The following GSDMA variants were observed in gnomAD, a reference collection of about 807,000 sequenced individuals.
GSDMA encodes the protein gasdermin A.
A neutral mutation model predicts 54.3 loss-of-function variants in GSDMA; 55 were observed. The observed-to-expected ratio is 1.01, with a 90% CI of 0.82 to 1.27. The LOEUF (loss-of-function observed/expected upper bound fraction) is 1.27. Ranked by LOEUF, GSDMA falls within the 50% of genes most tolerant of loss-of-function variation. The probability of loss-of-function intolerance (pLI) is 0.00; values close to 1 mark genes in which losing one functional copy is unlikely to be tolerated. For missense variants in GSDMA, 542 were observed against 542.6 expected (o/e 1.00, Z 0.01); for synonymous variants, 211 against 224.7 (o/e 0.94, Z 0.54).
At chr17:39,963,897 C>T (rs903405348) in intron 1 of GSDMA, among the ~76,000 whole-genome samples, 3 of 152,166 alleles carry the variant, frequency 2.0e-5, no homozygotes, top group Admixed American at 6.5e-5. Flanking sequence ...CCCATGGGCC[C>T]CACATTCTCC....
chr17:39,965,461 T>G, intron 1 of GSDMA: 1 of 547,098 alleles, frequency 1.8e-6, no homozygotes, highest in Non-Finnish European at 3.3e-6. Flanking sequence ...CTGTGGGACT[T>G]TGGGGCAACT....
intron 9 of GSDMA, 28 bp downstream of exon 9, chr17:39,974,455 G>C (rs1478785301): frequency 6.5e-7 from 1 of 1,546,350 alleles, no homozygotes; most frequent in Non-Finnish European, 8.7e-7. Flanking sequence ...GTGGGGAAGG[G>C]TGGGAGAAGG....
At chr17:39,975,067 A>C in intron 10 of GSDMA, 53 bp downstream of exon 10, 1 of 936,836 alleles carries the variant, frequency 1.1e-6, no homozygotes, top group Non-Finnish European at 1.7e-6. Context: ...ATAGGAATGA[A>C]TCACTTGAAT....
rs201877887 is a variant in GSDMA, at chr17:39,970,504, T to C, written c.415T>C (p.Phe139Leu). The C allele has an allele frequency of 2.6e-4, 416 of 1,585,424 alleles. No homozygotes were observed. Among genetic ancestry groups the C allele is most frequent in the Non-Finnish European group, 3.4e-4 (395 of 1,165,206 alleles). The change falls in exon 4 of 12, where the codon TTC becomes CTC. Residue 139 changes from phenylalanine to leucine, a missense_variant. Coordinates refer to ENST00000301659, the MANE Select transcript of GSDMA (RefSeq NM_178171.5). The stretch of plus-strand genomic sequence containing the variant: ...CAGGAAGCTGGCAGCAGACCACCCA[T>C]TCCTGAAGGAGATGCAAGATCAAGG... ...QERKLAADHP[F>L]LKEMQDQGEN...
chr17:39,965,388 ATG>A (rs1979601593), intron 1 of GSDMA: 1 of 357,610 alleles, frequency 2.8e-6, no homozygotes, highest in African/African-American at 2.0e-5. Flanking sequence ...AGTGAAGAAA[ATG>A]AGCGTGGAGT....
rs60315845 is a variant in GSDMA, at chr17:39,968,339, C to CTTTTT, written c.392+1924_392+1928dup. Among the ~76,000 whole-genome samples, 116 of 41,364 alleles carry CTTTTT rather than the reference C, an allele frequency of 2.8e-3. 33 individuals are homozygous for CTTTTT. The highest frequency in any genetic ancestry group is 0.016 in the African/African-American group (100 of 6,184). The allele number at this position is 41,364 out of a possible 152,430, so 27.1% of individuals were successfully genotyped here. On this transcript the variant is annotated intron_variant, in intron 3 of 11. Transcript: ENST00000301659. Reference sequence around the variant, plus strand: ...ACAGGCGTGAGCCACTGAGCCCGGTCTTTTTTTTTTTTTTTTTTTTTTTTT... The same window carrying CTTTTT: ...ACAGGCGTGAGCCACTGAGCCCGGTCTTTTTTTTTTTTTTTTTTTTTTTTTTTTTT...
chr17:39,965,261 A>G (rs12943476), intron 1 of GSDMA, among the ~76,000 whole-genome samples: 73,653 of 133,504 alleles, frequency 0.55, 20,965 homozygotes, highest in East Asian at 0.66. Flanking sequence ...AGGGAGGGAG[A>G]GAAAGAAAGA....
In GSDMA at chr17:39,970,506, C is replaced by A; in HGVS notation, c.417C>A (p.Phe139Leu). The A allele has an allele frequency of 6.3e-7, 1 of 1,586,426 alleles. No individual in the cohort carries two copies. Among genetic ancestry groups the A allele is most frequent in the Non-Finnish European group, 8.6e-7 (1 of 1,165,708 alleles). Reference protein sequence around the residue: ...QERKLAADHPFLKEMQDQGEN... With the variant: ...QERKLAADHPLLKEMQDQGEN... ...GGAAGCTGGCAGCAGACCACCCATT[C>A]CTGAAGGAGATGCAAGATCAAGGGG... The change falls in exon 4 of 12, where the codon TTC becomes TTA. Residue 139 changes from phenylalanine to leucine, a missense_variant. Transcript: ENST00000301659.
At chr17:39,975,147 T>G (rs928883150) in intron 10 of GSDMA, 133 bp downstream of exon 10, 2 of 633,096 alleles carry the variant, frequency 3.2e-6, no homozygotes, top group African/African-American at 3.7e-5. Flanking sequence ...TATATCTACA[T>G]TTTTATAAAT....
chr17:39,970,807 A>C (rs1979906252), intron 4 of GSDMA, among the ~76,000 whole-genome samples, 160 bp downstream of exon 4: 1 of 152,068 alleles, frequency 6.6e-6, no homozygotes, highest in African/African-American at 2.4e-5. Flanking sequence ...CCGGCTCTTA[A>C]AGATCCAAAC....
At position 39,974,266 on chromosome 17, in the gene GSDMA, C is replaced by T; in HGVS notation, c.752-7C>T. Reference sequence around the variant, plus strand: ...GAGGGCTGTGTGTCCCATTATTGTCCCCATAGGGGACGTACACGAAGGCTT... The same window carrying T: ...GAGGGCTGTGTGTCCCATTATTGTCTCCATAGGGGACGTACACGAAGGCTT... On this transcript the variant is annotated splice_region_variant and splice_polypyrimidine_tract_variant and intron_variant, in intron 8 of 11. Coordinates refer to ENST00000301659, the MANE Select transcript of GSDMA (RefSeq NM_178171.5). 1 of 1,605,708 alleles carries T rather than the reference C, an allele frequency of 6.2e-7. No individual in the cohort carries two copies. Among genetic ancestry groups the T allele is most frequent in the Non-Finnish European group, 8.5e-7 (1 of 1,176,404 alleles).
intron 1 of GSDMA, among the ~76,000 whole-genome samples, chr17:39,964,762 T>G (rs1388244840): frequency 6.6e-6 from 1 of 152,032 alleles, no homozygotes; most frequent in Non-Finnish European, 1.5e-5. Context: ...TCTCCTTCCC[T>G]CCCCTGGTGT....
At chr17:39,967,247 T>C (rs1244393531) in intron 3 of GSDMA, among the ~76,000 whole-genome samples, 1 of 152,138 alleles carries the variant, frequency 6.6e-6, no homozygotes, top group Non-Finnish European at 1.5e-5. Context: ...TGCTAAGTGC[T>C]GTAGGGATGG....
Position 39,973,797 on chromosome 17 carries a change from CT to C in GSDMA, c.731-6del. On this transcript the variant is annotated splice_polypyrimidine_tract_variant and intron_variant, in intron 7 of 11. Transcript: ENST00000301659. ...ATTGCATTCTTATCTTTTTTTTTTC[CT>C]TTTTTTCTCAGTTATCCAGGCATCT... 6.3e-7 allele frequency: 1 copy of C among 1,597,640 alleles called. No individual in the cohort carries two copies. The highest frequency in any genetic ancestry group is 8.5e-7 in the Non-Finnish European group (1 of 1,173,162).
intron 4 of GSDMA, among the ~76,000 whole-genome samples, chr17:39,970,901 A>G (rs959189917): frequency 1.3e-5 from 2 of 152,214 alleles, no homozygotes; most frequent in African/African-American, 2.4e-5. Context: ...CTACTGGGGA[A>G]GGGGAAAGTC....
intron 3 of GSDMA, among the ~76,000 whole-genome samples, chr17:39,967,762 T>TCC (rs1979734017): frequency 1.3e-5 from 2 of 152,154 alleles, no homozygotes; most frequent in Admixed American, 1.3e-4. Flanking sequence ...AACCTCCGCC[T>TCC]CCCAGGTTCA....
intron 3 of GSDMA, among the ~76,000 whole-genome samples, chr17:39,970,228 C>T (rs1461018603): frequency 1.3e-5 from 2 of 152,200 alleles, no homozygotes; most frequent in Non-Finnish European, 2.9e-5. Flanking sequence ...GGCCCAATTA[C>T]CGAGTTTATC....
At chr17:39,973,564 GAAA>G (rs34114516) in intron 7 of GSDMA, among the ~76,000 whole-genome samples, 7,364 of 144,378 alleles carry the variant, frequency 0.051, 556 homozygotes, top group African/African-American at 0.16. Flanking sequence ...GCCTGGCCTA[GAAA>G]AAAAAAAAAA....
Position 39,974,306 on chromosome 17 carries a change from A to C in GSDMA, c.785A>C (p.Glu262Ala). ...CACGAAGGCTTCAGGACACTAAAAG[A>C]AGAAGTTCAGAGAGAGACCCAACAA... ...DVHEGFRTLK[E>A]EVQRETQQVE... Residue 262 changes from glutamate to alanine, a missense_variant, in exon 9 of 12, where the codon GAA (glutamate) becomes GCA (alanine). Physicochemically the swap from Glu to Ala is moderately radical, Grantham distance 107. Transcript: ENST00000301659. 6.2e-7 allele frequency: 1 copy of C among 1,611,524 alleles called. No individual in the cohort carries two copies. The highest frequency in any genetic ancestry group is 8.5e-7 in the Non-Finnish European group (1 of 1,178,956).
Sources: gnomAD v4.1 joint callset for allele counts (sites outside exome capture counted in the v4.1 genomes callset) on GRCh38, gnomAD v4.1.1 for gene constraint, MANE v1.5 for transcripts, NCBI Gene and HGNC (gene_info 2026-07-23, HGNC 2026-07-21) for gene names.